The following PPP2R2B variants were observed in gnomAD, a reference collection of about 807,000 sequenced individuals.
The protein encoded by PPP2R2B is serine/threonine-protein phosphatase 2A 55 kDa regulatory subunit B beta isoform.
PPP2R2B carries 5 observed loss-of-function variants against 46.0 expected under a neutral mutation model. That is an observed-to-expected ratio of 0.11 (90% CI 0.06 to 0.23). The LOEUF (loss-of-function observed/expected upper bound fraction) is 0.23. PPP2R2B is among the 10% of genes least tolerant of loss of function. PPP2R2B has a pLI of 1.00. For synonymous variants in PPP2R2B, 215 were observed against 206.7 expected (o/e 1.04, Z -0.34); for missense variants, 367 against 575.0 (o/e 0.64, Z 3.70).
chr5:146,659,474 T>C (rs1294612686), intron 5 of PPP2R2B, among the ~76,000 whole-genome samples: 1 of 152,182 alleles, frequency 6.6e-6, no homozygotes, highest in Non-Finnish European at 1.5e-5. Context: ...GGTTTGCTGC[T>C]TAGTCTTTCT....
intron 2 of PPP2R2B, among the ~76,000 whole-genome samples, chr5:146,782,109 A>G (rs1266244985): frequency 1.3e-5 from 2 of 152,096 alleles, no homozygotes; most frequent in Admixed American, 1.3e-4. Context: ...GCCCTCCACC[A>G]TGACTGCAAG....
At chr5:147,080,041 T>C (rs1757929342) in intron 2 of PPP2R2B, among the ~76,000 whole-genome samples, 1 of 152,166 alleles carries the variant, frequency 6.6e-6, no homozygotes, top group South Asian at 2.1e-4. Context: ...TTTGTAAACA[T>C]AGAGTATTTG....
chr5:146,933,460 G>C (rs958271042), intron 1 of PPP2R2B, among the ~76,000 whole-genome samples: 14 of 151,962 alleles, frequency 9.2e-5, no homozygotes, highest in Non-Finnish European at 2.1e-4. Context: ...TCTCAGATAA[G>C]TATTTTGTCT....
chr5:146,646,257 C>T (rs930402082), intron 6 of PPP2R2B, among the ~76,000 whole-genome samples: 1 of 152,136 alleles, frequency 6.6e-6, no homozygotes. Flanking sequence ...TAATAGATCC[C>T]ATGTTGGACA....
At chr5:146,985,017 CTTTTT>C (rs34277498) in intron 1 of PPP2R2B, among the ~76,000 whole-genome samples, 1 of 99,488 alleles carries the variant, frequency 1.0e-5, no homozygotes, top group Non-Finnish European at 2.0e-5. Context: ...TTTTCTTTTT[CTTTTT>C]TTTTTTTTTT....
chr5:146,731,766 A>G (rs545191137), intron 2 of PPP2R2B, among the ~76,000 whole-genome samples: 2 of 152,332 alleles, frequency 1.3e-5, no homozygotes, highest in South Asian at 2.1e-4. Context: ...CATCTGATAA[A>G]TCCTCAATAA....
intron 2 of PPP2R2B, among the ~76,000 whole-genome samples, chr5:146,813,318 T>C (rs1374435370): frequency 6.6e-6 from 1 of 151,996 alleles, no homozygotes; most frequent in Non-Finnish European, 1.5e-5. Context: ...GGAGTTACAT[T>C]ATTTGGATGC....
intron 1 of PPP2R2B, among the ~76,000 whole-genome samples, chr5:147,003,680 C>T (rs1471904551): frequency 1.3e-5 from 2 of 152,160 alleles, no homozygotes; most frequent in Non-Finnish European, 2.9e-5. Context: ...TGGATCCCCA[C>T]TGGGACCTCG....
At chr5:147,022,405 A>T (rs1034994345) in intron 1 of PPP2R2B, among the ~76,000 whole-genome samples, 1 of 151,864 alleles carries the variant, frequency 6.6e-6, no homozygotes, top group Non-Finnish European at 1.5e-5. Flanking sequence ...AAAATAAAAA[A>T]AAAAAAATTG....
chr5:147,016,823 T>A (rs958189614), intron 1 of PPP2R2B, among the ~76,000 whole-genome samples: 10 of 151,634 alleles, frequency 6.6e-5, no homozygotes, highest in Non-Finnish European at 1.0e-4. Flanking sequence ...AATAGCATGA[T>A]ATATGCTGGA....
chr5:146,862,859 G>GAA lies in PPP2R2B; in HGVS notation c.70+15141_70+15142dup, dbSNP rs370025208. Among the ~76,000 whole-genome samples the GAA allele has an allele frequency of 4.3e-3, 462 of 106,578 alleles. 3 individuals are homozygous for GAA. The highest frequency in any genetic ancestry group is 0.036 in the East Asian group (139 of 3,868). The allele number at this position is 106,578 out of a possible 152,430, so 69.9% of individuals were successfully genotyped here. A position where few individuals can be genotyped will look rare whatever the true frequency, so the allele number is the denominator to read the frequency against. Reference sequence around the variant, plus strand: ...AGGCAACCTGCTTGTCAAGTAATTGGAAAAAAAAAAAAAAAAAACCCTGGC... The same window carrying GAA: ...AGGCAACCTGCTTGTCAAGTAATTGGAAAAAAAAAAAAAAAAAAAACCCTGGC... On this transcript the variant is annotated intron_variant, in intron 2 of 9. Transcript: ENST00000394411.
At chr5:147,029,336 C>G (rs1755672668) in intron 1 of PPP2R2B, among the ~76,000 whole-genome samples, 1 of 152,060 alleles carries the variant, frequency 6.6e-6, no homozygotes, top group Admixed American at 6.5e-5. Flanking sequence ...TGGTAGGGAC[C>G]AAGATTATTT....
At chr5:146,753,009 T>C (rs1753643903) in intron 2 of PPP2R2B, among the ~76,000 whole-genome samples, 2 of 152,186 alleles carry the variant, frequency 1.3e-5, no homozygotes, top group South Asian at 4.1e-4. Context: ...ATAGATGCTG[T>C]GGCTATGACT....
intron 2 of PPP2R2B, among the ~76,000 whole-genome samples, chr5:146,859,025 A>C (rs989302389): frequency 2.6e-5 from 4 of 152,164 alleles, no homozygotes; most frequent in Admixed American, 2.6e-4. Context: ...TTTTTCCAAG[A>C]CTATAAGATT....
In PPP2R2B at chr5:146,587,229, A is replaced by C. The variant is rs1163523237; in HGVS notation, c.*2718T>G. On this transcript the variant is annotated 3_prime_UTR_variant, in exon 10 of 10. Transcript: ENST00000394411. ...GAAAGATCACACATGTAAAATACCTAGTTCAGTACCTGGTAAAGAACAGTT... is the reference window on the plus strand; with the variant it reads ...GAAAGATCACACATGTAAAATACCTCGTTCAGTACCTGGTAAAGAACAGTT... 1.3e-5 allele frequency: 2 copies of C among 152,250 alleles called. No individual in the cohort carries two copies. The highest frequency in any genetic ancestry group is 4.8e-5 in the African/African-American group (2 of 41,466). 9.4% of individuals were successfully genotyped at this position (152,250 alleles called of 1,614,324 possible).
At position 146,776,819 on chromosome 5, in the gene PPP2R2B, A is replaced by G. The variant is rs890417184; in HGVS notation, c.71-75677T>C. Among the ~76,000 whole-genome samples, 6 of 152,114 alleles carry G rather than the reference A, an allele frequency of 3.9e-5. No individual in the cohort carries two copies. In the East Asian group the frequency reaches 1.2e-3, roughly 29 times the overall value. ...CAGCAACAAAAAGACAAACAACCCA[A>G]ATAAAAAATGGGCAAAGGAATTGAA... On this transcript the variant is annotated intron_variant, in intron 2 of 9. Coordinates refer to ENST00000394411, the MANE Select transcript of PPP2R2B (RefSeq NM_181675.4).
At chr5:146,768,583 A>C (rs947707457) in intron 2 of PPP2R2B, among the ~76,000 whole-genome samples, 1 of 152,122 alleles carries the variant, frequency 6.6e-6, no homozygotes, top group African/African-American at 2.4e-5. Flanking sequence ...ACACAGAGTG[A>C]TCTCTTTAGA....
intron 2 of PPP2R2B, among the ~76,000 whole-genome samples, chr5:146,823,079 T>A (rs1354228426): frequency 6.6e-6 from 1 of 152,340 alleles, no homozygotes; most frequent in Admixed American, 6.5e-5. Context: ...AGGTTACACA[T>A]GCTTCTTCTC....
intron 7 of PPP2R2B, among the ~76,000 whole-genome samples, chr5:146,604,905 T>C (rs561944121): frequency 6.6e-6 from 1 of 152,250 alleles, no homozygotes; most frequent in South Asian, 2.1e-4. Context: ...CCAGGATTCC[T>C]CACATTCTAG....
Sources: allele counts gnomAD v4.1 joint callset (sites outside exome capture counted in the v4.1 genomes callset), GRCh38; gene constraint gnomAD v4.1.1; transcripts MANE v1.5; gene names NCBI Gene and HGNC (gene_info 2026-07-23, HGNC 2026-07-21).